DNAH6: variants seen among roughly 807,000 people sequenced by gnomAD.
DNAH6 encodes the protein axonemal beta dynein heavy chain 6.
Under a neutral mutation model 491.4 loss-of-function variants are expected in DNAH6, and 340 were observed. The ratio of observed to expected loss-of-function variants is 0.69; its 90% CI spans 0.63 to 0.76. DNAH6 has a LOEUF of 0.76. Ranked by LOEUF, DNAH6 falls within the 30% of genes least tolerant of loss-of-function variation. The probability of loss-of-function intolerance (pLI) is 0.00; values close to 1 mark genes in which losing one functional copy is unlikely to be tolerated. For missense variants in DNAH6, 4,443 were observed against 4,972.2 expected (o/e 0.89, Z 3.20); for synonymous variants, 1,603 against 1,686.1 (o/e 0.95, Z 1.21).
At chr2:84,573,139 G>C (rs1169789685) in intron 11 of DNAH6, among the ~76,000 whole-genome samples, 1 of 152,198 alleles carries the variant, frequency 6.6e-6, no homozygotes, top group Non-Finnish European at 1.5e-5. Flanking sequence ...AAATAAACAA[G>C]TATTGCCTCT....
At chr2:84,792,256 A>G (rs545242337) in intron 68 of DNAH6, among the ~76,000 whole-genome samples, 1 of 152,344 alleles carries the variant, frequency 6.6e-6, no homozygotes, top group Admixed American at 6.5e-5. Context: ...GTTGTTCAGT[A>G]TAAAGTTATA....
intron 64 of DNAH6, among the ~76,000 whole-genome samples, chr2:84,765,832 A>C (rs1675024102): frequency 6.6e-6 from 1 of 152,070 alleles, no homozygotes; most frequent in Non-Finnish European, 1.5e-5. Flanking sequence ...CCACATGTAC[A>C]ATACAAAAAC....
chr2:84,531,879 C>T (rs748847355), intron 4 of DNAH6, among the ~76,000 whole-genome samples: 11 of 152,146 alleles, frequency 7.2e-5, no homozygotes, highest in South Asian at 6.2e-4. Context: ...CTACTTTACT[C>T]GCTTGTATAG....
intron 49 of DNAH6, among the ~76,000 whole-genome samples, chr2:84,702,103 G>C (rs1467021903): frequency 1.3e-5 from 2 of 152,186 alleles, no homozygotes; most frequent in African/African-American, 4.8e-5. Context: ...AATACAGATG[G>C]TGTTTTAAAG....
chr2:84,796,494 C>T, intron 69 of DNAH6, 69 bp downstream of exon 69: 1 of 1,335,638 alleles, frequency 7.5e-7, no homozygotes, highest in Middle Eastern at 1.9e-4. Flanking sequence ...TCTCAGTTTC[C>T]CACCCAGGGG....
rs1466434892 is a variant in DNAH6, at chr2:84,722,654, G to T, written c.9822G>T (p.Leu3274=). The change falls in exon 60 of 77, where the codon CTG becomes CTT. Residue 3274 remains leucine (L), a synonymous_variant. Coordinates refer to ENST00000389394, the MANE Select transcript of DNAH6 (RefSeq NM_001370.2). ...KITSGAIKTR[L]EEAESTEQMI... is the part of the protein sequence containing the mutation. ...CTTCTGGTGCCATTAAAACCAGGCT[G>T]GAAGAAGCAGAGTCCACTGAGCAGA... 5 of 1,549,792 alleles carry T rather than the reference G, an allele frequency of 3.2e-6. No homozygotes were observed. The highest frequency in any genetic ancestry group is 4.4e-6 in the Non-Finnish European group (5 of 1,146,468).
the DNAH6 span, among the ~76,000 whole-genome samples, chr2:84,462,530 TA>T: frequency 6.6e-6 from 1 of 152,352 alleles, no homozygotes; most frequent in East Asian, 1.9e-4. Context: ...CTGTCTCAGA[TA>T]TTTTGGATTA....
chr2:84,819,227 A>ACT, intron 76 of DNAH6, 78 bp from the exon 77 acceptor site: 1 of 1,046,116 alleles, frequency 9.6e-7, no homozygotes, highest in Non-Finnish European at 1.4e-6. Flanking sequence ...AGATGTCTTG[A>ACT]CTCTTTGTAG....
intron 60 of DNAH6, among the ~76,000 whole-genome samples, chr2:84,724,156 C>T (rs748327976): frequency 9.2e-5 from 14 of 152,216 alleles, no homozygotes; most frequent in Non-Finnish European, 2.1e-4. Flanking sequence ...CATGACACAA[C>T]TCAGCCAACG....
At chr2:84,680,700 G>A (rs1337246477) in intron 41 of DNAH6, among the ~76,000 whole-genome samples, 1 of 152,006 alleles carries the variant, frequency 6.6e-6, no homozygotes, top group African/African-American at 2.4e-5. Context: ...GAATGGAAAT[G>A]GAGAGGCCAG....
rs186624710 is a variant in DNAH6, at chr2:84,756,054, G to T, written c.10513-6701G>T. Reference sequence around the variant, plus strand: ...GAGGCTTCCCCAGCCACGTGGAATTGTAAGTCCAATTAAACCTCTTTCTTT... The same window carrying T: ...GAGGCTTCCCCAGCCACGTGGAATTTTAAGTCCAATTAAACCTCTTTCTTT... On this transcript the variant is annotated intron_variant, in intron 63 of 76. Coordinates refer to ENST00000389394, the MANE Select transcript of DNAH6 (RefSeq NM_001370.2). Among the ~76,000 whole-genome samples, 584 of 152,322 alleles carry T rather than the reference G, an allele frequency of 3.8e-3. 4 individuals carry two copies. Among genetic ancestry groups the T allele is most frequent in the Middle Eastern group, 6.8e-3 (2 of 294 alleles).
At chr2:84,613,277 C>A (rs1686510710) in intron 22 of DNAH6, among the ~76,000 whole-genome samples, 1 of 151,958 alleles carries the variant, frequency 6.6e-6, no homozygotes, top group African/African-American at 2.4e-5. Flanking sequence ...GAGGGAAGAT[C>A]AAAGGCAAGG....
chr2:84,602,028 A>G (rs1685296221), intron 18 of DNAH6, among the ~76,000 whole-genome samples: 1 of 151,974 alleles, frequency 6.6e-6, no homozygotes, highest in Admixed American at 6.6e-5. Flanking sequence ...ATTCCTCCAT[A>G]CATTCTTTGT....
upstream of DNAH6, among the ~76,000 whole-genome samples, chr2:84,514,843 C>T (rs56201967): frequency 0.013 from 1,812 of 143,258 alleles, 36 homozygotes; most frequent in African/African-American, 0.046. Context: ...GTCTTCCAAT[C>T]CTCCCACCCC....
Position 84,819,180 on chromosome 2 carries a change from G to T in DNAH6, c.12374-125G>T, listed in dbSNP as rs554210068. The T allele has an allele frequency of 5.0e-6, 3 of 603,778 alleles. No individual in the cohort carries two copies. In the Admixed American group the frequency reaches 8.9e-5, roughly 18 times the overall value. The allele number at this position is 603,778 out of a possible 1,614,324, so 37.4% of individuals were successfully genotyped here. On this transcript the variant is annotated intron_variant, in intron 76 of 76. Transcript: ENST00000389394. ...AAAACAGACCCATAAAGGACTATTT[G>T]TCCAGCATCTTTAGGGGCAAGTCAG...
intron 63 of DNAH6, among the ~76,000 whole-genome samples, chr2:84,747,669 T>C (rs372024555): frequency 4.6e-5 from 7 of 152,208 alleles, no homozygotes; most frequent in East Asian, 3.8e-4. Context: ...GTGGGGACTC[T>C]GTGTGGGGGC....
intron 61 of DNAH6, among the ~76,000 whole-genome samples, chr2:84,728,357 C>T (rs993293230): frequency 1.3e-5 from 2 of 152,226 alleles, no homozygotes; most frequent in South Asian, 2.1e-4. Context: ...TCTGTGGTGA[C>T]TCTGGTGGCC....
At chr2:84,677,909 G>T (rs1350962424) in intron 41 of DNAH6, among the ~76,000 whole-genome samples, 1 of 152,158 alleles carries the variant, frequency 6.6e-6, no homozygotes, top group African/African-American at 2.4e-5. Context: ...GAAATGGTAA[G>T]GTGGGCACAA....
chr2:84,679,693 C>A (rs1325468763), intron 41 of DNAH6, among the ~76,000 whole-genome samples: 5 of 152,204 alleles, frequency 3.3e-5, no homozygotes, highest in African/African-American at 1.2e-4. Context: ...TCAGTAAATT[C>A]TATAATGATA....
Sources: allele counts gnomAD v4.1 joint callset (sites outside exome capture counted in the v4.1 genomes callset), GRCh38; gene constraint gnomAD v4.1.1; transcripts MANE v1.5; gene names NCBI Gene and HGNC (gene_info 2026-07-23, HGNC 2026-07-21).